Variants in ARHGEF10L observed in about 807,000 individuals in gnomAD.
ARHGEF10L encodes the protein Rho guanine nucleotide exchange factor 10 like.
ARHGEF10L carries 69 observed loss-of-function variants against 141.2 expected under a neutral mutation model. The ratio of observed to expected loss-of-function variants is 0.49; its 90% CI spans 0.40 to 0.60. The LOEUF is 0.60. Among genes scored for constraint, ARHGEF10L ranks in the 20% least tolerant of loss-of-function variants. The pLI is 0.00. For synonymous variants in ARHGEF10L, 711 were observed against 718.5 expected (o/e 0.99, Z 0.17); for missense variants, 1,482 against 1,734.3 (o/e 0.85, Z 2.58).
chr1:17,583,712 A>T (rs2078784414), intron 2 of ARHGEF10L, among the ~76,000 whole-genome samples: 1 of 151,702 alleles, frequency 6.6e-6, no homozygotes, highest in African/African-American at 2.4e-5. Context: ...CCCCACCCCC[A>T]CTCCCTGCCC....
At chr1:17,525,263 C>T in the ARHGEF10L span, among the ~76,000 whole-genome samples, 16 of 152,136 alleles carry the variant, frequency 1.1e-4, no homozygotes, top group Non-Finnish European at 1.9e-4. Context: ...TACCCTGTCT[C>T]TCCCCCTGAG....
At position 17,607,140 on chromosome 1, in the gene ARHGEF10L, T is replaced by C. The variant is rs943416766; in HGVS notation, c.434-662T>C. On this transcript the variant is annotated intron_variant, in intron 6 of 28. Coordinates refer to ENST00000361221, the MANE Select transcript of ARHGEF10L (RefSeq NM_018125.4). The surrounding 1 kb of genome is among the most constrained non-coding windows in gnomAD (Gnocchi z 4.5). ...GGATGCTGAGGGCCTGAGCCAGGAC[T>C]TGGCTCCGGGTCTTCTCTTTTCCAG... is the stretch of plus-strand genomic sequence containing the variant. Among the ~76,000 whole-genome samples the C allele has an allele frequency of 6.6e-6, 1 of 152,188 alleles. No individual in the cohort carries two copies. The highest frequency in any genetic ancestry group is 2.4e-5 in the African/African-American group (1 of 41,452).
At chr1:17,523,390 A>G in the ARHGEF10L span, among the ~76,000 whole-genome samples, 1 of 152,010 alleles carries the variant, frequency 6.6e-6, no homozygotes, top group East Asian at 1.9e-4. Flanking sequence ...CGCCCGGCCC[A>G]CCATTGCTAC....
chr1:17,620,579 C>T (rs2060052504), intron 10 of ARHGEF10L, among the ~76,000 whole-genome samples: 1 of 152,124 alleles, frequency 6.6e-6, no homozygotes, highest in Non-Finnish European at 1.5e-5. Flanking sequence ...TGTGGCCAGG[C>T]CATGGCCAGG....
At chr1:17,570,778 G>T (rs2077962953) in intron 1 of ARHGEF10L, among the ~76,000 whole-genome samples, 1 of 152,042 alleles carries the variant, frequency 6.6e-6, no homozygotes, top group Non-Finnish European at 1.5e-5. Context: ...CTGTGGAGGG[G>T]GTGAGATGCG....
At chr1:17,513,786 AAAT>A in the ARHGEF10L span, among the ~76,000 whole-genome samples, 1 of 152,060 alleles carries the variant, frequency 6.6e-6, no homozygotes, top group Non-Finnish European at 1.5e-5. Flanking sequence ...TGTTACATGG[AAAT>A]TCTTTCTTTT....
intron 1 of ARHGEF10L, among the ~76,000 whole-genome samples, chr1:17,540,623 C>G (rs2076689939): frequency 6.6e-6 from 1 of 152,070 alleles, no homozygotes; most frequent in Non-Finnish European, 1.5e-5. Context: ...GGCATGGGGA[C>G]AATTCTTCCT....
chr1:17,683,283 C>T (rs1326645615), intron 26 of ARHGEF10L, among the ~76,000 whole-genome samples: 5 of 115,670 alleles, frequency 4.3e-5, no homozygotes, highest in Admixed American at 8.0e-5. Context: ...CTGCTCTCAC[C>T]GGGGTGCTCA....
At chr1:17,648,474 T>C in intron 21 of ARHGEF10L, 80 bp from the exon 22 acceptor site, 4 of 1,562,080 alleles carry the variant, frequency 2.6e-6, no homozygotes, top group Non-Finnish European at 1.7e-6. Flanking sequence ...AGTGGCTCCC[T>C]GGGGCTTGGA....
At position 17,601,978 on chromosome 1, in the gene ARHGEF10L, G is replaced by A. The variant is rs2080724655; in HGVS notation, c.258-149G>A. 5 of 653,840 alleles carry A rather than the reference G, an allele frequency of 7.6e-6. No homozygotes were observed. In the Admixed American group the frequency reaches 1.2e-4, roughly 16 times the overall value. The allele number at this position is 653,840 out of a possible 1,614,324, so 40.5% of individuals were successfully genotyped here. On this transcript the variant is annotated intron_variant, in intron 4 of 28. Coordinates refer to ENST00000361221, the MANE Select transcript of ARHGEF10L (RefSeq NM_018125.4). ...CTAAAGATGAGGAGCCTGGGGGCTT[G>A]TCTGAGGCCAACTCCACCTCAGGTC...
chr1:17,537,553 C>A (rs2076592816), upstream of ARHGEF10L, among the ~76,000 whole-genome samples: 1 of 152,084 alleles, frequency 6.6e-6, no homozygotes. Flanking sequence ...CTATAGAGCT[C>A]AGAGGAGGGA....
intron 26 of ARHGEF10L, among the ~76,000 whole-genome samples, chr1:17,680,886 C>A (rs144549171): frequency 0.019 from 2,866 of 151,382 alleles, 48 homozygotes; most frequent in Non-Finnish European, 0.03. Context: ...CGGGTTCAAG[C>A]GATTCTCCTG....
chr1:17,640,339 G>GAGAGTGCCTCA, intron 21 of ARHGEF10L, 37 bp downstream of exon 21: 2 of 1,562,590 alleles, frequency 1.3e-6, no homozygotes. Context: ...TCAGGGGGCA[G>GAGAGTGCCTCA]GGGTGTGGAA....
At chr1:17,518,874 T>C in the ARHGEF10L span, among the ~76,000 whole-genome samples, 1 of 150,290 alleles carries the variant, frequency 6.7e-6, no homozygotes, top group Non-Finnish European at 1.5e-5. Context: ...CCCTCTGCCC[T>C]TAAGCAGCAT....
intron 1 of ARHGEF10L, among the ~76,000 whole-genome samples, chr1:17,550,507 G>T (rs1390001529): frequency 6.6e-6 from 1 of 152,182 alleles, no homozygotes; most frequent in Non-Finnish European, 1.5e-5. Flanking sequence ...GCCAGGTGTG[G>T]TGGCGGGCGC....
chr1:17,528,222 T>C, the ARHGEF10L span, among the ~76,000 whole-genome samples: 1 of 152,062 alleles, frequency 6.6e-6, no homozygotes, highest in African/African-American at 2.4e-5. Flanking sequence ...TCTTTCTTTA[T>C]TTGTTTATTT....
chr1:17,564,239 G>A (rs1346127265), intron 1 of ARHGEF10L, among the ~76,000 whole-genome samples: 1 of 152,176 alleles, frequency 6.6e-6, no homozygotes, highest in Non-Finnish European at 1.5e-5. Context: ...AGGTGTTCAC[G>A]GGGACATGTG....
Position 17,580,626 on chromosome 1 carries a change from G to T in ARHGEF10L, c.31G>T (p.Ala11Ser). The T allele has an allele frequency of 6.2e-7, 1 of 1,614,204 alleles. No homozygotes were observed. Among genetic ancestry groups the T allele is most frequent in the Non-Finnish European group, 8.5e-7 (1 of 1,180,040 alleles). ...TTCCTCCAACCCTCCTCCACAGCCT[G>T]CCATAGGTACCGTACCCAGGGCTTC... MASSNPPPQP[A>S]IGDQLVPGVP... Residue 11 changes from alanine (A) to serine (S), a missense_variant, in exon 2 of 29, where the codon GCC (alanine) becomes TCC (serine). Physicochemically the swap from Ala to Ser is moderately conservative, Grantham distance 99. Around this residue, in one of 3 missense-constraint regions of ARHGEF10L, gnomAD observed 232 missense variants for 225.9 expected, o/e 1.03. Coordinates refer to ENST00000361221, the MANE Select transcript of ARHGEF10L (RefSeq NM_018125.4).
At chr1:17,679,642 G>C (rs1438240838) in intron 26 of ARHGEF10L, among the ~76,000 whole-genome samples, 1 of 152,224 alleles carries the variant, frequency 6.6e-6, no homozygotes, top group Non-Finnish European at 1.5e-5. Context: ...TAAAGACAGG[G>C]AAGGGAGTTG....
Sources: gnomAD v4.1 joint callset for allele counts (sites outside exome capture counted in the v4.1 genomes callset) on GRCh38, gnomAD v4.1.1 for gene constraint, gnomAD v4.1.1 regional missense constraint, Gnocchi (gnomAD v3.1) non-coding constraint, MANE v1.5 for transcripts, NCBI Gene and HGNC (gene_info 2026-07-23, HGNC 2026-07-21) for gene names.